NEB: variants seen among roughly 807,000 people sequenced by gnomAD.
NEB encodes the protein nemaline myopathy type 2.
Under a neutral mutation model 952.2 loss-of-function variants are expected in NEB, and 512 were observed. The observed-to-expected ratio is 0.54, with a 90% CI of 0.50 to 0.58. The LOEUF is 0.58. NEB is among the 20% of genes least tolerant of loss of function. The probability of loss-of-function intolerance (pLI) is 0.00; values close to 1 mark genes in which losing one functional copy is unlikely to be tolerated. For synonymous variants in NEB, 2,900 were observed against 3,149.8 expected (o/e 0.92, Z 2.66); for missense variants, 8,428 against 9,231.1 (o/e 0.91, Z 3.56).
At chr2:151,627,461 T>C in intron 69 of NEB, 62 bp downstream of exon 69, 2 of 1,578,656 alleles carry the variant, frequency 1.3e-6, no homozygotes, top group African/African-American at 1.3e-5. Context: ...GCTAGACCAC[T>C]GTCTCAGTAT....
At chr2:151,619,039 C>A (rs2098308589) in intron 73 of NEB, among the ~76,000 whole-genome samples, 1 of 152,176 alleles carries the variant, frequency 6.6e-6, no homozygotes, top group South Asian at 2.1e-4. Context: ...ATTTTCCCAT[C>A]AGTAAGTATA....
rs776650831 is a variant in NEB at position 151,485,906 on chromosome 2, T to C, written c.25432A>G (p.Met8478Val). The change falls in exon 182 of 182, where the codon ATG becomes GTG. Residue 8478 changes from methionine (M) to valine (V), a missense_variant. Around this residue, in one of 11 missense-constraint regions of NEB, gnomAD observed 3,374 missense variants for 3,651.5 expected, o/e 0.92. Transcript: ENST00000397345. ...GKIFRAMYDYMAADADEVSFK... is the reference protein window; with the variant it reads ...GKIFRAMYDYVAADADEVSFK... ...GACACCTCATCTGCATCAGCAGCCA[T>C]ATAGTCATACATGGCACGGAAGATT... The C allele has an allele frequency of 1.2e-6, 2 of 1,613,942 alleles. No individual in the cohort carries two copies. Among genetic ancestry groups the C allele is most frequent in the Non-Finnish European group, 1.7e-6 (2 of 1,179,848 alleles).
Position 151,514,330 on chromosome 2 carries a change from T to G in NEB, c.23115A>C (p.Gln7705His). The change falls in exon 159 of 182, where the codon CAA becomes CAC. Residue 7705 changes from glutamine (Q) to histidine (H), a missense_variant. Coordinates refer to ENST00000397345, the MANE Select transcript of NEB (RefSeq NM_001164508.2). ...PDMLRAKNATQILNEKEYKRD... is the reference protein window; with the variant it reads ...PDMLRAKNATHILNEKEYKRD... The stretch of plus-strand genomic sequence containing the variant: ...GCTGTGGGCCTACCTCATTGAGGAT[T>G]TGAGTGGCATTCTTTGCTCTTAGCA... 6.2e-7 allele frequency: 1 copy of G among 1,611,326 alleles called. No individual in the cohort carries two copies. Among genetic ancestry groups the G allele is most frequent in the Non-Finnish European group, 8.5e-7 (1 of 1,177,462 alleles).
At chr2:151,725,076 G>A (rs776583645) in intron 6 of NEB, 115 bp from the exon 7 acceptor site, 7 of 755,092 alleles carry the variant, frequency 9.3e-6, no homozygotes, top group African/African-American at 3.5e-5. Context: ...GCATCACAAA[G>A]CATAGTTTCT....
intron 54 of NEB, among the ~76,000 whole-genome samples, chr2:151,646,498 T>C (rs1358978057): frequency 6.6e-6 from 1 of 152,230 alleles, no homozygotes. Context: ...ATTACATGCC[T>C]TGCCAATATT....
chr2:151,531,930 A>C lies in NEB; in HGVS notation c.21418-34T>G, dbSNP rs1576492975. On this transcript the variant is annotated intron_variant, in intron 143 of 181. Transcript: ENST00000397345. ...TGGAAGAGAAGAAAGAGCTCTAAGAAGTTGTAGAGTGGGCTTTAAGGTATC... is the reference window on the plus strand; with the variant it reads ...TGGAAGAGAAGAAAGAGCTCTAAGACGTTGTAGAGTGGGCTTTAAGGTATC... The C allele has an allele frequency of 5.7e-6, 8 of 1,392,388 alleles. No individual in the cohort carries two copies. In the African/African-American group the frequency reaches 7.1e-5, roughly 12 times the overall value. 86.3% of individuals were successfully genotyped at this position (1,392,388 alleles called of 1,614,324 possible).
At chr2:151,601,260 C>CCAGCTAATT (rs1349126547) in intron 88 of NEB, among the ~76,000 whole-genome samples, 1 of 109,758 alleles carries the variant, frequency 9.1e-6, no homozygotes, top group Non-Finnish European at 1.8e-5. Context: ...AGGCATCCGC[C>CCAGCTAATT]ACCATGCCCA....
In NEB at chr2:151,501,629, A is replaced by G. The variant is rs1325620514; in HGVS notation, c.23929-146T>C. On this transcript the variant is annotated intron_variant, in intron 167 of 181. Transcript: ENST00000397345. ...GTAACTTTTAAAAATAGAGTTAACT[A>G]TAGATCCCCTTTGGACATTTAGTCA... 8 of 473,696 alleles carry G rather than the reference A, an allele frequency of 1.7e-5. No individual in the cohort carries two copies. The East Asian group carries it at 1.9e-4, about 11-fold the overall frequency. The allele number at this position is 473,696 out of a possible 1,614,324, so 29.3% of individuals were successfully genotyped here. A position where few individuals can be genotyped will look rare whatever the true frequency, so the allele number is the denominator to read the frequency against.
intron 145 of NEB, among the ~76,000 whole-genome samples, chr2:151,530,363 CTCT>C (rs759890365): frequency 2.0e-5 from 3 of 152,122 alleles, no homozygotes; most frequent in Non-Finnish European, 4.4e-5. Context: ...CCCACTTTTG[CTCT>C]TCTTAAATTT....
At chr2:151,690,925 T>C in intron 23 of NEB, 100 bp from the exon 24 acceptor site, 1 of 863,392 alleles carries the variant, frequency 1.2e-6, no homozygotes, top group Non-Finnish European at 1.9e-6. Context: ...GTTTATTTTG[T>C]TCCTGAAAAC....
At position 151,688,325 on chromosome 2, in the gene NEB, G is replaced by A. The variant is rs532547534; in HGVS notation, c.2382C>T (p.Ile794=). 101 of 1,613,776 alleles carry A rather than the reference G, an allele frequency of 6.3e-5. 2 individuals carry two copies. The East Asian group carries it at 1.6e-3, about 26-fold the overall frequency. ...GATTATAGGCATTGACTCTGTGTTG[G>A]ATAAACTGTGGAGCATCTGCTGGTA... ...CHIPADAPQF[I]QHRVNAYNLS... is the part of the protein sequence containing the mutation. Residue 794 remains isoleucine, a synonymous_variant, in exon 25 of 182, where the codon ATC becomes ATT. Coordinates refer to ENST00000397345, the MANE Select transcript of NEB (RefSeq NM_001164508.2).
At chr2:151,518,907 A>G in intron 155 of NEB, 58 bp downstream of exon 155, 4 of 1,193,488 alleles carry the variant, frequency 3.4e-6, no homozygotes, top group Non-Finnish European at 5.0e-6. Flanking sequence ...GGGCTCAGAA[A>G]GAATTTAGTT....
chr2:151,497,804 T>C, intron 170 of NEB, 86 bp from the exon 171 acceptor site: 1 of 1,538,632 alleles, frequency 6.5e-7, no homozygotes, highest in Non-Finnish European at 8.7e-7. Context: ...AAAAACACAG[T>C]CATCCAAGGA....
chr2:151,723,312 T>C (rs760785829), intron 9 of NEB, 70 bp downstream of exon 9: 28 of 1,058,750 alleles, frequency 2.6e-5, no homozygotes, highest in Non-Finnish European at 3.5e-5. Flanking sequence ...AGTGACCATC[T>C]GGCCAGAATA....
intron 128 of NEB, among the ~76,000 whole-genome samples, 172 bp downstream of exon 128, chr2:151,552,500 C>T (rs1426778383): frequency 1.3e-5 from 2 of 152,192 alleles, no homozygotes; most frequent in Non-Finnish European, 2.9e-5. Context: ...TTGAATGCAT[C>T]AGGTTTCAGG....
intron 141 of NEB, 70 bp from the exon 142 acceptor site, chr2:151,535,865 T>A: frequency 2.5e-6 from 2 of 797,708 alleles, no homozygotes; most frequent in African/African-American, 1.7e-5. Flanking sequence ...ATGCTGTTTA[T>A]CATATGATAT....
At chr2:151,691,122 C>T (rs1006033104) in intron 23 of NEB, among the ~76,000 whole-genome samples, 6 of 152,178 alleles carry the variant, frequency 3.9e-5, no homozygotes, top group African/African-American at 9.7e-5. Flanking sequence ...TTCAACTGCA[C>T]GTTGGCTTAT....
At chr2:151,515,562 A>C (rs2077281042) in intron 157 of NEB, among the ~76,000 whole-genome samples, 2 of 152,148 alleles carry the variant, frequency 1.3e-5, no homozygotes, top group South Asian at 4.2e-4. Context: ...GCAGTGAGGC[A>C]CAGAGGAATT....
chr2:151,607,355 A>G, intron 83 of NEB, 149 bp downstream of exon 83: 1 of 406,896 alleles, frequency 2.5e-6, no homozygotes, highest in South Asian at 2.2e-5. Flanking sequence ...CTCCATTCAT[A>G]TCGCATTGGG....
Sources: gnomAD v4.1 joint callset for allele counts (sites outside exome capture counted in the v4.1 genomes callset) on GRCh38, gnomAD v4.1.1 for gene constraint, gnomAD v4.1.1 regional missense constraint, MANE v1.5 for transcripts, NCBI Gene and HGNC (gene_info 2026-07-23, HGNC 2026-07-21) for gene names.